Variants in ZNF521 observed in about 807,000 individuals in gnomAD.
ZNF521 encodes the protein LYST-interacting protein 3.
ZNF521 carries 14 observed loss-of-function variants against 105.5 expected under a neutral mutation model. The ratio of observed to expected loss-of-function variants is 0.13; its 90% CI spans 0.09 to 0.21. The LOEUF is 0.21. Among genes scored for constraint, ZNF521 ranks in the 10% least tolerant of loss-of-function variants. The pLI is 1.00. For synonymous variants in ZNF521, 635 were observed against 606.0 expected (o/e 1.05, Z -0.70); for missense variants, 1,233 against 1,629.7 (o/e 0.76, Z 4.19).
intron 3 of ZNF521, among the ~76,000 whole-genome samples, chr18:25,240,947 T>C (rs1907283233): frequency 8.5e-6 from 1 of 117,970 alleles, no homozygotes; most frequent in South Asian, 2.7e-4. Flanking sequence ...AACCAGATAT[T>C]AAAAAAAAAA....
chr18:25,065,514 C>A (rs1287063121), intron 7 of ZNF521, among the ~76,000 whole-genome samples: 1 of 151,896 alleles, frequency 6.6e-6, no homozygotes, highest in Non-Finnish European at 1.5e-5. Flanking sequence ...TGCAAATATG[C>A]CAAACTCTGA....
At chr18:25,130,782 A>C (rs2034626733) in intron 5 of ZNF521, among the ~76,000 whole-genome samples, 1 of 152,056 alleles carries the variant, frequency 6.6e-6, no homozygotes, top group Non-Finnish European at 1.5e-5. Flanking sequence ...ATCTCTACAA[A>C]AAATTCAATA....
chr18:25,331,332 C>T (rs1913554912), intron 2 of ZNF521, among the ~76,000 whole-genome samples: 1 of 151,830 alleles, frequency 6.6e-6, no homozygotes, highest in African/African-American at 2.4e-5. Context: ...AAAAAAAATC[C>T]ACTCTGGAGG....
intron 3 of ZNF521, among the ~76,000 whole-genome samples, chr18:25,228,671 G>C (rs1051850687): frequency 1.3e-5 from 2 of 152,290 alleles, no homozygotes; most frequent in South Asian, 2.1e-4. Flanking sequence ...AATGCTGAAA[G>C]ATTTATGAGT....
intron 5 of ZNF521, among the ~76,000 whole-genome samples, chr18:25,131,312 C>A (rs748696082): frequency 6.6e-6 from 1 of 152,172 alleles, no homozygotes; most frequent in African/African-American, 2.4e-5. Flanking sequence ...GGTAAGGCTC[C>A]ATTTCTCTGT....
intron 4 of ZNF521, among the ~76,000 whole-genome samples, chr18:25,209,745 CCTTT>C (rs1479823302): frequency 6.6e-6 from 1 of 152,104 alleles, no homozygotes; most frequent in Non-Finnish European, 1.5e-5. Flanking sequence ...GAGCATTTTT[CCTTT>C]CTTAACTGTG....
intron 5 of ZNF521, among the ~76,000 whole-genome samples, chr18:25,172,993 C>T (rs9946863): frequency 0.51 from 76,780 of 151,978 alleles, 19,928 homozygotes; most frequent in East Asian, 0.7. Context: ...TTTTACTTCA[C>T]GTAACTGAAG....
chr18:25,175,157 T>C (rs1359890426), intron 5 of ZNF521, among the ~76,000 whole-genome samples: 3 of 152,146 alleles, frequency 2.0e-5, no homozygotes, highest in Non-Finnish European at 4.4e-5. Flanking sequence ...CAATTATGTG[T>C]TGGGCATTCA....
chr18:25,330,844 A>C (rs936272544), intron 2 of ZNF521, among the ~76,000 whole-genome samples: 3 of 152,200 alleles, frequency 2.0e-5, no homozygotes, highest in African/African-American at 7.2e-5. Context: ...AAAATATGGT[A>C]AGGAACCACA....
intron 5 of ZNF521, among the ~76,000 whole-genome samples, chr18:25,131,013 G>A (rs374290250): frequency 1.3e-5 from 2 of 151,810 alleles, no homozygotes; most frequent in Admixed American, 6.6e-5. Flanking sequence ...CTTTTTTTCC[G>A]ATTGGAGAGT....
At chr18:25,288,162 A>C (rs1314572363) in intron 3 of ZNF521, among the ~76,000 whole-genome samples, 2 of 152,192 alleles carry the variant, frequency 1.3e-5, no homozygotes, top group African/African-American at 4.8e-5. Context: ...ATTTGCATCC[A>C]TAGAAATTTC....
At chr18:25,296,926 T>C (rs1911348558) in intron 3 of ZNF521, among the ~76,000 whole-genome samples, 1 of 152,170 alleles carries the variant, frequency 6.6e-6, no homozygotes, top group Non-Finnish European at 1.5e-5. Context: ...GCCTGGTACA[T>C]AGCTGGTACT....
At chr18:25,290,607 CTTTTTT>C (rs35687026) in intron 3 of ZNF521, among the ~76,000 whole-genome samples, 5 of 116,188 alleles carry the variant, frequency 4.3e-5, no homozygotes, top group Non-Finnish European at 8.8e-5. Context: ...AGGCCATATT[CTTTTTT>C]TTTTTTTTTT....
intron 4 of ZNF521, among the ~76,000 whole-genome samples, chr18:25,220,948 T>C (rs1315893860): frequency 1.3e-5 from 2 of 152,228 alleles, no homozygotes; most frequent in Non-Finnish European, 2.9e-5. Context: ...AGGTGCTTCA[T>C]GTGTGGAAAC....
chr18:25,248,157 C>T (rs549401880), intron 3 of ZNF521, among the ~76,000 whole-genome samples: 5 of 152,270 alleles, frequency 3.3e-5, no homozygotes, highest in African/African-American at 4.8e-5. Context: ...CACACACACA[C>T]GTCTGATAGG....
intron 3 of ZNF521, among the ~76,000 whole-genome samples, chr18:25,316,323 T>TAA (rs377173156): frequency 1.1e-5 from 1 of 90,250 alleles, no homozygotes; most frequent in Admixed American, 1.1e-4. Context: ...AAAACGAATT[T>TAA]AAAAAAAAAA....
chr18:25,340,071 C>G (rs752678236), intron 2 of ZNF521, among the ~76,000 whole-genome samples: 1 of 152,082 alleles, frequency 6.6e-6, no homozygotes, highest in African/African-American at 2.4e-5. Context: ...AAGCAACACA[C>G]TTTGGTAGGT....
intron 2 of ZNF521, among the ~76,000 whole-genome samples, chr18:25,325,655 T>C (rs1913175930): frequency 6.6e-6 from 1 of 152,148 alleles, no homozygotes; most frequent in African/African-American, 2.4e-5. Context: ...CGCAAACATG[T>C]TGCATTCAGC....
intron 5 of ZNF521, among the ~76,000 whole-genome samples, chr18:25,171,427 G>A (rs2035447085): frequency 6.6e-6 from 1 of 152,112 alleles, no homozygotes; most frequent in African/African-American, 2.4e-5. Flanking sequence ...TATCAAATAT[G>A]TGTTATGATT....
Sources: gnomAD v4.1 joint callset for allele counts (sites outside exome capture counted in the v4.1 genomes callset) on GRCh38, gnomAD v4.1.1 for gene constraint, MANE v1.5 for transcripts, NCBI Gene and HGNC (gene_info 2026-07-23, HGNC 2026-07-21) for gene names.